EYS: variants seen among roughly 807,000 people sequenced by gnomAD.
EYS encodes EGF-like photoreceptor maintenance factor, also known as protein eyes shut homolog.
Under a neutral mutation model 282.1 loss-of-function variants are expected in EYS, and 250 were observed. That is an observed-to-expected ratio of 0.89 (90% confidence interval 0.80 to 0.98). The LOEUF (loss-of-function observed/expected upper bound fraction) is 0.98, where lower values mean the gene tolerates loss of function less well. Among genes scored for constraint, EYS ranks in the 50% least tolerant of loss-of-function variants. The pLI is 0.00. For synonymous variants in EYS, 1,355 were observed against 1,282.9 expected, an observed-to-expected ratio of 1.06 and a Z score of -1.20; for missense variants, 4,016 against 3,709.0, an observed-to-expected ratio of 1.08 and a Z score of -2.15.
At chr6:65,375,299 C>T (rs1431408058) in intron 8 of EYS, among the ~76,000 whole-genome samples, 1 of 152,036 alleles carries the variant, frequency 6.6e-6, no homozygotes, top group African/African-American at 2.4e-5. Context: ...GGGGCCTGAC[C>T]ATCAGAAGAA....
At chr6:64,516,210 A>G (rs1038234816) in intron 26 of EYS, among the ~76,000 whole-genome samples, 1 of 151,492 alleles carries the variant, frequency 6.6e-6, no homozygotes, top group Non-Finnish European at 1.5e-5. Context: ...AAAGTAACTA[A>G]CAGATACCAG....
intron 12 of EYS, among the ~76,000 whole-genome samples, chr6:65,212,240 T>C (rs1582022738): frequency 6.6e-6 from 1 of 151,878 alleles, no homozygotes; most frequent in South Asian, 2.1e-4. Flanking sequence ...ACAAACAAAA[T>C]GATGAGAGAT....
chr6:64,412,889 G>T (rs1417630957), intron 28 of EYS: 1 of 151,990 alleles, frequency 6.6e-6, no homozygotes, highest in Non-Finnish European at 1.5e-5. Context: ...TATATAAGTG[G>T]ATGGTAAAGT....
chr6:65,521,807 A>T (rs1421857915), intron 2 of EYS, among the ~76,000 whole-genome samples: 1 of 152,328 alleles, frequency 6.6e-6, no homozygotes, highest in East Asian at 1.9e-4. Context: ...TCCTCAAATT[A>T]TGAAGGGCAG....
At chr6:64,307,344 AC>A in intron 29 of EYS, among the ~76,000 whole-genome samples, 1 of 152,254 alleles carries the variant, frequency 6.6e-6, no homozygotes, top group South Asian at 2.1e-4. Flanking sequence ...TTGTGTACAT[AC>A]AAACACAATG....
At chr6:65,203,570 G>GA (rs373501896) in intron 12 of EYS, among the ~76,000 whole-genome samples, 388 of 152,156 alleles carry the variant, frequency 2.6e-3, no homozygotes, top group African/African-American at 8.6e-3. Flanking sequence ...CAAGGAGGAA[G>GA]AAAAAAGTCA....
At chr6:65,599,551 T>C (rs1765542678) in intron 2 of EYS, among the ~76,000 whole-genome samples, 1 of 152,090 alleles carries the variant, frequency 6.6e-6, no homozygotes, top group Non-Finnish European at 1.5e-5. Flanking sequence ...ACTCTGTTGT[T>C]TATAGCAGGT....
At chr6:64,504,474 A>G (rs969189653) in intron 26 of EYS, among the ~76,000 whole-genome samples, 1 of 152,164 alleles carries the variant, frequency 6.6e-6, no homozygotes, top group Non-Finnish European at 1.5e-5. Context: ...TCATTTATTT[A>G]TCAAAGAAAT....
At chr6:65,011,111 T>A (rs1478160843) in intron 13 of EYS, among the ~76,000 whole-genome samples, 1 of 152,110 alleles carries the variant, frequency 6.6e-6, no homozygotes, top group African/African-American at 2.4e-5. Context: ...AGGACATAGT[T>A]TTCTCCCCTC....
At chr6:63,834,872 A>C (rs975190047) in intron 36 of EYS, among the ~76,000 whole-genome samples, 1 of 152,006 alleles carries the variant, frequency 6.6e-6, no homozygotes, top group Admixed American at 6.6e-5. Flanking sequence ...CTATGCAGCC[A>C]TAAAAAAGGA....
chr6:63,863,836 C>T (rs148667575), intron 36 of EYS, among the ~76,000 whole-genome samples: 4,302 of 151,820 alleles, frequency 0.028, 103 homozygotes, highest in South Asian at 0.093. Flanking sequence ...CCACCATGCC[C>T]GGCTAATTTT....
intron 2 of EYS, among the ~76,000 whole-genome samples, chr6:65,510,441 A>G (rs1421893267): frequency 1.3e-5 from 2 of 152,078 alleles, no homozygotes; most frequent in African/African-American, 4.8e-5. Context: ...AAATTTTTCC[A>G]ATAGGTCTCT....
chr6:64,592,972 G>C (rs954420140), intron 25 of EYS, 145 bp downstream of exon 25: 2 of 548,488 alleles, frequency 3.6e-6, no homozygotes, highest in African/African-American at 2.0e-5. Flanking sequence ...TAAAACAGGA[G>C]TCATAACCAA....
chr6:64,450,626 A>T (rs1775295662), intron 26 of EYS, among the ~76,000 whole-genome samples: 1 of 152,202 alleles, frequency 6.6e-6, no homozygotes, highest in African/African-American at 2.4e-5. Context: ...CCCTCAGCAA[A>T]TGTAAAAGAA....
chr6:64,842,344 GT>G (rs1765587573), intron 19 of EYS, among the ~76,000 whole-genome samples: 1 of 151,602 alleles, frequency 6.6e-6, no homozygotes, highest in South Asian at 2.1e-4. Flanking sequence ...GGTTGATATG[GT>G]TTGTCTGTGA....
chr6:63,834,732 G>T (rs933503508), intron 36 of EYS, among the ~76,000 whole-genome samples: 1 of 151,856 alleles, frequency 6.6e-6, no homozygotes, highest in African/African-American at 2.4e-5. Flanking sequence ...AAATCATGCT[G>T]CTGTATAGAC....
intron 31 of EYS, among the ~76,000 whole-genome samples, chr6:64,181,793 A>T (rs1335554872): frequency 6.6e-6 from 1 of 152,150 alleles, no homozygotes; most frequent in African/African-American, 2.4e-5. Flanking sequence ...CTTACTTTAA[A>T]TGGAAGATTT....
intron 29 of EYS, among the ~76,000 whole-genome samples, chr6:64,322,317 T>C (rs1329588192): frequency 6.6e-6 from 1 of 152,036 alleles, no homozygotes; most frequent in Admixed American, 6.6e-5. Context: ...GGGCTAGGTG[T>C]TGGTGCAATA....
chr6:64,332,992 G>A (rs900079761), intron 29 of EYS, among the ~76,000 whole-genome samples: 2 of 152,114 alleles, frequency 1.3e-5, no homozygotes, highest in East Asian at 1.9e-4. Flanking sequence ...GGTTATAAAA[G>A]GGGACTAGGA....
Sources: allele counts gnomAD v4.1 joint callset (sites outside exome capture counted in the v4.1 genomes callset), GRCh38; gene constraint gnomAD v4.1.1; transcripts MANE v1.5; gene names NCBI Gene and HGNC (gene_info 2026-07-23, HGNC 2026-07-21).